SNX8: variants seen among roughly 807,000 people sequenced by gnomAD.
SNX8 encodes the protein sorting nexin-8.
In SNX8, 25 loss-of-function variants were observed where a neutral mutation model predicts 51.6. The observed-to-expected ratio is 0.48, with a 90% CI of 0.35 to 0.68. The LOEUF is 0.68. Among genes scored for constraint, SNX8 ranks in the 30% least tolerant of loss-of-function variants. The pLI, the probability that SNX8 is intolerant of heterozygous loss-of-function variation, is 0.00. For synonymous variants in SNX8, 324 were observed against 277.0 expected (o/e 1.17, Z -1.68); for missense variants, 695 against 624.0 (o/e 1.11, Z -1.21).
At chr7:2,276,541 G>A (rs1014297206) in intron 2 of SNX8, among the ~76,000 whole-genome samples, 6 of 151,940 alleles carry the variant, frequency 3.9e-5, no homozygotes, top group Non-Finnish European at 7.4e-5. Context: ...AGTGGCTCAT[G>A]CCTGTGAGCC....
intron 7 of SNX8, among the ~76,000 whole-genome samples, chr7:2,259,956 C>T (rs1008963152): frequency 2.6e-5 from 4 of 151,038 alleles, no homozygotes. Flanking sequence ...ACATAAAATA[C>T]GCTAACACTA....
intron 5 of SNX8, 34 bp from the exon 6 acceptor site, chr7:2,264,492 A>G: frequency 1.9e-6 from 3 of 1,590,450 alleles, no homozygotes; most frequent in Non-Finnish European, 1.7e-6. Context: ...ACACTGTGTT[A>G]GTCGCTGGGG....
intron 1 of SNX8, among the ~76,000 whole-genome samples, chr7:2,336,623 G>T (rs1462188652): frequency 2.0e-5 from 3 of 151,876 alleles, no homozygotes; most frequent in African/African-American, 7.3e-5. Flanking sequence ...TAGGAGAATT[G>T]CTTGAACCCG....
intron 1 of SNX8, among the ~76,000 whole-genome samples, chr7:2,303,270 C>T (rs1295711163): frequency 6.2e-5 from 9 of 144,536 alleles, no homozygotes; most frequent in Admixed American, 1.4e-4. Flanking sequence ...CCGCCCCGTC[C>T]GGGAGGGAGG....
rs771177190 is a variant in SNX8, at chr7:2,259,053, G to A, written c.916-1250C>T. 1.6e-4 allele frequency among the ~76,000 whole-genome samples: 24 copies of A among 152,200 alleles called. 1 individual carries two copies. The highest frequency in any genetic ancestry group is 5.2e-4 in the Admixed American group (8 of 15,294). On this transcript the variant is annotated intron_variant, in intron 7 of 10. Transcript: ENST00000222990. ...AGGCCAGGCACAGTGCACACGGCCC[G>A]AACACACGGTGCTCAGAGGCATCTG...
intron 1 of SNX8, among the ~76,000 whole-genome samples, chr7:2,345,054 G>A (rs1778995931): frequency 6.6e-6 from 1 of 152,126 alleles, no homozygotes; most frequent in South Asian, 2.1e-4. Context: ...ACTTGTTAAT[G>A]TCTAATAAAT....
chr7:2,308,780 ATTTTTTTTTT>A (rs755533735), intron 1 of SNX8, among the ~76,000 whole-genome samples: 2 of 136,048 alleles, frequency 1.5e-5, no homozygotes, highest in Non-Finnish European at 3.1e-5. Flanking sequence ...AAATGAACAA[ATTTTTTTTTT>A]TTTTTTTTTT....
At chr7:2,256,503 G>A (rs1469669560) in intron 10 of SNX8, among the ~76,000 whole-genome samples, 1 of 152,248 alleles carries the variant, frequency 6.6e-6, no homozygotes, top group Non-Finnish European at 1.5e-5. Flanking sequence ...GAGGAAGCCG[G>A]CCAGGGCTCT....
chr7:2,351,058 A>T (rs1167835031), intron 1 of SNX8, among the ~76,000 whole-genome samples: 1 of 152,106 alleles, frequency 6.6e-6, no homozygotes, highest in Non-Finnish European at 1.5e-5. Flanking sequence ...TTGAGGCTGC[A>T]GTGAGCCATG....
intron 1 of SNX8, among the ~76,000 whole-genome samples, chr7:2,327,697 G>A (rs1345183629): frequency 4.8e-5 from 7 of 147,078 alleles, no homozygotes; most frequent in African/African-American, 7.6e-5. Flanking sequence ...GTGAGCCATC[G>A]CACCCGGCCT....
In SNX8 at chr7:2,257,401, C is replaced by T. The variant is rs1219956679; in HGVS notation, c.1098G>A (p.Pro366=). 5.0e-6 allele frequency: 8 copies of T among 1,610,218 alleles called. No individual in the cohort carries two copies. The highest frequency in any genetic ancestry group is 6.8e-6 in the Non-Finnish European group (8 of 1,179,572). Residue 366 remains proline, a synonymous_variant, in exon 9 of 11, where the codon CCG becomes CCA. Transcript: ENST00000222990. ...GGGACTCCAGCTGCTCCACGGACTC[C>T]GGCTCGCGGTTCTGCGCGGTGGCGC... is the stretch of plus-strand genomic sequence containing the variant. ...MMSATAQNRE[P]ESVEQLESRI...
In SNX8 at chr7:2,297,550, CAAAAAAAAAAAAAAA is replaced by C. The variant is rs145543350; in HGVS notation, c.94+16763_94+16777del. Among the ~76,000 whole-genome samples, 97 of 40,272 alleles carry C rather than the reference CAAAAAAAAAAAAAAA, an allele frequency of 2.4e-3. 3 individuals are homozygous for C. Among genetic ancestry groups the C allele is most frequent in the Admixed American group, 0.015 (40 of 2,590 alleles). 26.4% of individuals were successfully genotyped at this position (40,272 alleles called of 152,430 possible). A position where few individuals can be genotyped will look rare whatever the true frequency, so the allele number is the denominator to read the frequency against. ...GGGCAACAGGAGCAAAACCCCGCCG[CAAAAAAAAAAAAAAA>C]AAAAAAAAAAAATACCTGCACATGC... On this transcript the variant is annotated intron_variant, in intron 1 of 10. Transcript: ENST00000222990.
At chr7:2,319,130 G>C (rs1796796934), upstream of SNX8, among the ~76,000 whole-genome samples, 4 of 151,500 alleles carry the variant, frequency 2.6e-5, no homozygotes. Flanking sequence ...CCTGAGTTCA[G>C]AAGTTCAAGA....
At chr7:2,341,663 A>G (rs1410300863) in intron 1 of SNX8, among the ~76,000 whole-genome samples, 1 of 152,092 alleles carries the variant, frequency 6.6e-6, no homozygotes, top group African/African-American at 2.4e-5. Flanking sequence ...TAGAGGCAAG[A>G]GCCTATCTCA....
In SNX8 at chr7:2,257,348, G is replaced by A; in HGVS notation, c.1134+17C>T. 6.3e-7 allele frequency: 1 copy of A among 1,598,902 alleles called. No individual in the cohort carries two copies. The highest frequency in any genetic ancestry group is 8.5e-7 in the Non-Finnish European group (1 of 1,177,520). On this transcript the variant is annotated intron_variant, in intron 9 of 10. Coordinates refer to ENST00000222990, the MANE Select transcript of SNX8 (RefSeq NM_013321.4). ...GGAAAGGCTCCCACGGGCCTGCTCG[G>A]CCGCCCCGCCACCCACCTCCACAAT...
At chr7:2,309,757 G>A in intron 1 of SNX8, 2 of 462,536 alleles carry the variant, frequency 4.3e-6, no homozygotes, top group South Asian at 1.6e-5. Context: ...TAAACTTTAA[G>A]TGACAGCGCA....
chr7:2,323,270 C>T (rs1778563852), intron 1 of SNX8, among the ~76,000 whole-genome samples: 1 of 136,672 alleles, frequency 7.3e-6, no homozygotes, highest in African/African-American at 2.7e-5. Context: ...GTGGAGGTTG[C>T]AGTGAGCTGA....
At chr7:2,311,842 C>T (rs1318066459) in intron 1 of SNX8, among the ~76,000 whole-genome samples, 1 of 151,482 alleles carries the variant, frequency 6.6e-6, no homozygotes, top group East Asian at 1.9e-4. Flanking sequence ...GAGGCTGAGG[C>T]AGGAGAATGG....
At chr7:2,280,690 T>G (rs1240919793) in intron 1 of SNX8, among the ~76,000 whole-genome samples, 1 of 152,226 alleles carries the variant, frequency 6.6e-6, no homozygotes, top group Non-Finnish European at 1.5e-5. Context: ...AAGACACTTC[T>G]TTAACTCTCG....
Sources: gnomAD v4.1 joint callset for allele counts (sites outside exome capture counted in the v4.1 genomes callset) on GRCh38, gnomAD v4.1.1 for gene constraint, MANE v1.5 for transcripts, NCBI Gene and HGNC (gene_info 2026-07-23, HGNC 2026-07-21) for gene names.